FBXO17: variants seen among roughly 807,000 people sequenced by gnomAD.
FBXO17 encodes the protein F-box only protein 17.
A neutral mutation model predicts 34.1 loss-of-function variants in FBXO17; 43 were observed. The observed-to-expected ratio is 1.26, with a 90% CI of 0.99 to 1.62. The LOEUF is 1.62. Ranked by LOEUF, FBXO17 falls within the 40% of genes most tolerant of loss-of-function variation. FBXO17 has a pLI of 0.00. For missense variants in FBXO17, 424 were observed against 386.7 expected (o/e 1.10, Z -0.81); for synonymous variants, 169 against 166.0 (o/e 1.02, Z -0.14).
intron 1 of FBXO17, among the ~76,000 whole-genome samples, chr19:38,970,327 C>G (rs1322875535): frequency 6.6e-6 from 1 of 151,996 alleles, no homozygotes; most frequent in Non-Finnish European, 1.5e-5. Context: ...CCTGACTCAG[C>G]CTCTTCTGGA....
chr19:38,957,386 G>T (rs575046699), intron 1 of FBXO17, among the ~76,000 whole-genome samples: 1 of 151,718 alleles, frequency 6.6e-6, no homozygotes, highest in Non-Finnish European at 1.5e-5. Context: ...TCACTCTGTC[G>T]CCCAGGCTGG....
rs528089659 is a variant in FBXO17 at position 38,947,742 on chromosome 19, G to T, written c.461+825C>A. Among the ~76,000 whole-genome samples the T allele has an allele frequency of 7.9e-5, 12 of 152,208 alleles. No individual in the cohort carries two copies. The East Asian group carries it at 2.3e-3, about 29-fold the overall frequency. On this transcript the variant is annotated intron_variant, in intron 3 of 5. Transcript: ENST00000292852. ...GAGTCAAGGTCTTATTCTGTTGCCA[G>T]GCTGGAGTGCAGTGGCATGATCCTA...
chr19:38,965,473 G>A (rs558929687), intron 1 of FBXO17, among the ~76,000 whole-genome samples: 28 of 150,876 alleles, frequency 1.9e-4, no homozygotes, highest in Non-Finnish European at 2.9e-4. Flanking sequence ...GACTACAGGC[G>A]CCCACCACCA....
chr19:38,942,709 C>T lies in FBXO17; in HGVS notation c.736G>A (p.Val246Ile), dbSNP rs781150185. The change falls in exon 6 of 6, where the codon GTA becomes ATA. Residue 246 changes from valine (V) to isoleucine (I), a missense_variant. Physicochemically the swap from Val to Ile is conservative, Grantham distance 29. Coordinates refer to ENST00000292852, the MANE Select transcript of FBXO17 (RefSeq NM_024907.7). ...TCTCTCCCGTACTGCTCAAAAGATA[C>T]GTAGCGGATGCCCTTGCCAAAGTTG... is the stretch of plus-strand genomic sequence containing the variant. ...FTNFGKGIRY[V>I]SFEQYGRDVS... 7.5e-6 allele frequency: 12 copies of T among 1,605,924 alleles called. No individual in the cohort carries two copies. The highest frequency in any genetic ancestry group is 4.0e-5 in the African/African-American group (3 of 74,202).
intron 1 of FBXO17, among the ~76,000 whole-genome samples, chr19:38,962,091 A>G (rs1174243569): frequency 8.5e-6 from 1 of 117,810 alleles, no homozygotes; most frequent in East Asian, 3.0e-4. Flanking sequence ...GTTCTAGCCC[A>G]CCCAGGGACG....
Position 38,950,058 on chromosome 19 carries a change from T to G in FBXO17, c.262A>C (p.Lys88Gln). The stretch of plus-strand genomic sequence containing the variant: ...AGGGCGCACAGCGGGAACTCCTCCT[T>G]GTCTTCGTTGCTGGGCAGGCAGCGT... ...AQRCLPSNED[K>Q]EEFPLCALAR... is the part of the protein sequence containing the mutation. The change falls in exon 2 of 6, where the codon AAG becomes CAG. Residue 88 changes from lysine (K) to glutamine (Q), a missense_variant. By Grantham distance (53) the Lys-to-Gln change is moderately conservative. Coordinates refer to ENST00000292852, the MANE Select transcript of FBXO17 (RefSeq NM_024907.7). The G allele has an allele frequency of 1.9e-6, 3 of 1,568,788 alleles. No individual in the cohort carries two copies. The highest frequency in any genetic ancestry group is 2.6e-6 in the Non-Finnish European group (3 of 1,158,334).
In FBXO17 at chr19:38,950,331, A is replaced by G. The variant is rs1192882126; in HGVS notation, c.-12T>C. 1.4e-6 allele frequency: 2 copies of G among 1,414,628 alleles called. No homozygotes were observed. Among genetic ancestry groups the G allele is most frequent in the Non-Finnish European group, 1.8e-6 (2 of 1,093,000 alleles). The allele number at this position is 1,414,628 out of a possible 1,614,324, so 87.6% of individuals were successfully genotyped here. A position where few individuals can be genotyped will look rare whatever the true frequency, so the allele number is the denominator to read the frequency against. On this transcript the variant is annotated 5_prime_UTR_variant, in exon 2 of 6. Coordinates refer to ENST00000292852, the MANE Select transcript of FBXO17 (RefSeq NM_024907.7). The stretch of plus-strand genomic sequence containing the variant: ...AGCCGGGCGCCCATCTCCAGTAGCC[A>G]GAGTCCTGCAGGTCGAGAGGGGTCG...
At chr19:38,971,375 G>A (rs554657201) in intron 1 of FBXO17, among the ~76,000 whole-genome samples, 24 of 152,244 alleles carry the variant, frequency 1.6e-4, no homozygotes, top group African/African-American at 4.3e-4. Context: ...GGACAGACAC[G>A]CTTAGGAAAA....
intron 1 of FBXO17, among the ~76,000 whole-genome samples, chr19:38,954,897 TA>T (rs1158264577): frequency 0.025 from 224 of 8,846 alleles, 3 homozygotes; most frequent in Admixed American, 0.14. Context: ...TGTGTTATTT[TA>T]TTATTATTAT....
chr19:38,959,065 G>A (rs924081055), intron 1 of FBXO17, among the ~76,000 whole-genome samples: 1 of 151,854 alleles, frequency 6.6e-6, no homozygotes, highest in African/African-American at 2.4e-5. Context: ...ACCATGCCCA[G>A]CTTCGTTTGT....
chr19:38,942,575 C>A lies in FBXO17; in HGVS notation c.*33G>T. 1 of 1,515,274 alleles carries A rather than the reference C, an allele frequency of 6.6e-7. No individual in the cohort carries two copies. Among genetic ancestry groups the A allele is most frequent in the South Asian group, 1.3e-5 (1 of 75,438 alleles). 93.9% of individuals were successfully genotyped at this position (1,515,274 alleles called of 1,614,324 possible). A position where few individuals can be genotyped will look rare whatever the true frequency, so the allele number is the denominator to read the frequency against. On this transcript the variant is annotated 3_prime_UTR_variant, in exon 6 of 6. Coordinates refer to ENST00000292852, the MANE Select transcript of FBXO17 (RefSeq NM_024907.7). ...CACTGCACCTGGCTGCAAGGCTGGTCTTGACTGACAACGTCAGGCAGTAGT... is the reference window on the plus strand; with the variant it reads ...CACTGCACCTGGCTGCAAGGCTGGTATTGACTGACAACGTCAGGCAGTAGT...
chr19:38,945,063 C>T lies in FBXO17; in HGVS notation c.599G>A (p.Arg200Gln), dbSNP rs753950268. The T allele has an allele frequency of 6.8e-6, 11 of 1,614,232 alleles. No homozygotes were observed. Among genetic ancestry groups the T allele is most frequent in the Admixed American group, 5.0e-5 (3 of 60,024 alleles). ...TTCATACACATCCAGAAGGCGGACC[C>T]GGAGCTGGTAGACGCAGCCGCAGTT... ...RENCGCVYQL[R>Q]VRLLDVYEKE... is the part of the protein sequence containing the mutation. Residue 200 changes from arginine (R) to glutamine (Q), a missense_variant, in exon 5 of 6, where the codon CGG becomes CAG. Transcript: ENST00000292852.
chr19:38,957,639 C>T (rs1445742905), intron 1 of FBXO17, among the ~76,000 whole-genome samples: 8 of 152,038 alleles, frequency 5.3e-5, no homozygotes, highest in African/African-American at 1.4e-4. Flanking sequence ...CCACTGCGCC[C>T]GGCAGTTCCT....
chr19:38,950,179 G>A lies in FBXO17; in HGVS notation c.141C>T (p.Arg47=), dbSNP rs1218945682. 6.4e-7 allele frequency: 1 copy of A among 1,558,976 alleles called. No individual in the cohort carries two copies. Among genetic ancestry groups the A allele is most frequent in the Non-Finnish European group, 8.6e-7 (1 of 1,159,036 alleles). The change falls in exon 2 of 6, where the codon CGC becomes CGT. Residue 47 remains arginine, a synonymous_variant. Coordinates refer to ENST00000292852, the MANE Select transcript of FBXO17 (RefSeq NM_024907.7). The part of the protein sequence containing the change: ...SLVTRCRPVC[R]AWRDIVDGPT... ...GCCCGTCCACTATGTCGCGCCAGGC[G>A]CGGCACACTGGGCGGCATCGCGTGA... is the stretch of plus-strand genomic sequence containing the variant.
chr19:38,957,440 G>A (rs537172079), intron 1 of FBXO17, among the ~76,000 whole-genome samples: 2 of 152,078 alleles, frequency 1.3e-5, no homozygotes, highest in East Asian at 1.9e-4. Context: ...TCCGCCTCCC[G>A]GGTTCAAGCG....
chr19:38,948,037 C>A (rs893085253), intron 3 of FBXO17, among the ~76,000 whole-genome samples: 4 of 141,094 alleles, frequency 2.8e-5, no homozygotes, highest in African/African-American at 1.1e-4. Context: ...GACAGAGTCT[C>A]ATTCTGTCGC....
chr19:38,942,778 T>C, intron 5 of FBXO17, 27 bp from the exon 6 acceptor site: 1 of 1,586,334 alleles, frequency 6.3e-7, no homozygotes, highest in Non-Finnish European at 8.5e-7. Context: ...AGTGAGAGGG[T>C]GAGGGCCTGC....
chr19:38,957,074 C>A (rs1975176851), intron 1 of FBXO17, among the ~76,000 whole-genome samples: 1 of 151,982 alleles, frequency 6.6e-6, no homozygotes, highest in Non-Finnish European at 1.5e-5. Flanking sequence ...TTACAAAGAC[C>A]AAGCTGTGCT....
rs1171591213 is a variant in FBXO17 at position 38,974,049 on chromosome 19, C to CAT, written c.-18+1535_-18+1536dup. On this transcript the variant is annotated intron_variant, in intron 1 of 5. Transcript: ENST00000292852. ...ATATATATACATATATATATATACA[C>CAT]ATATATATACACACATATATATATG... Among the ~76,000 whole-genome samples, 3 of 145,400 alleles carry CAT rather than the reference C, an allele frequency of 2.1e-5. No individual in the cohort carries two copies. In the Admixed American group the frequency reaches 2.1e-4, roughly 10 times the overall value.
Sources: gnomAD v4.1 joint callset for allele counts (sites outside exome capture counted in the v4.1 genomes callset) on GRCh38, gnomAD v4.1.1 for gene constraint, MANE v1.5 for transcripts, NCBI Gene and HGNC (gene_info 2026-07-23, HGNC 2026-07-21) for gene names.